The following AFG2A variants were observed in gnomAD, a reference collection of about 807,000 sequenced individuals.
The protein encoded by AFG2A is AAA ATPase AFG2A, also known as ATPase family gene 2 protein homolog A.
the AFG2A span, among the ~76,000 whole-genome samples, chr4:123,178,898 A>G: frequency 2.0e-5 from 3 of 152,350 alleles, no homozygotes; most frequent in African/African-American, 4.8e-5. Context: ...CAGTCCCTGC[A>G]CATAGGCTTC....
chr4:123,151,177 AC>A, the AFG2A span, among the ~76,000 whole-genome samples: 1 of 152,158 alleles, frequency 6.6e-6, no homozygotes, highest in Non-Finnish European at 1.5e-5. Context: ...CTAGAAGAAA[AC>A]CTAGGCATTA....
the AFG2A span, among the ~76,000 whole-genome samples, chr4:123,006,629 C>T: frequency 6.6e-5 from 10 of 152,210 alleles, no homozygotes; most frequent in African/African-American, 2.4e-4. Context: ...AATGGCTAAT[C>T]TGCTGTTAAT....
the AFG2A span, among the ~76,000 whole-genome samples, chr4:123,247,324 A>C: frequency 6.6e-6 from 1 of 152,102 alleles, no homozygotes; most frequent in African/African-American, 2.4e-5. Flanking sequence ...AAGATCTCAA[A>C]ATACTTCTTG....
At chr4:123,032,971 G>C in the AFG2A span, among the ~76,000 whole-genome samples, 1 of 152,110 alleles carries the variant, frequency 6.6e-6, no homozygotes, top group Admixed American at 6.5e-5. Flanking sequence ...TATGACTTAG[G>C]ATATTTTCAA....
the AFG2A span, among the ~76,000 whole-genome samples, chr4:122,933,785 T>C: frequency 2.0e-5 from 3 of 152,200 alleles, no homozygotes; most frequent in Non-Finnish European, 4.4e-5. Flanking sequence ...AGATGCTATC[T>C]TGGAGTGTTG....
chr4:123,312,065 C>T, the AFG2A span, among the ~76,000 whole-genome samples: 3 of 152,230 alleles, frequency 2.0e-5, no homozygotes, highest in East Asian at 1.9e-4. Context: ...TACACATGCT[C>T]ATCTGGCCAC....
the AFG2A span, chr4:122,928,950 T>G: frequency 6.8e-7 from 1 of 1,464,878 alleles, no homozygotes; most frequent in Non-Finnish European, 9.1e-7. Context: ...ATATCTTAAG[T>G]GCTTGACTGT....
the AFG2A span, among the ~76,000 whole-genome samples, chr4:123,236,840 A>G: frequency 4.6e-5 from 7 of 152,228 alleles, no homozygotes; most frequent in African/African-American, 1.4e-4. Context: ...ATGGGGAACA[A>G]GATTCTTCTA....
At chr4:123,023,169 A>C in the AFG2A span, among the ~76,000 whole-genome samples, 6 of 151,860 alleles carry the variant, frequency 4.0e-5, no homozygotes, top group Non-Finnish European at 8.8e-5. Flanking sequence ...CATGTACCCT[A>C]AAACTTAAAG....
chr4:123,190,384 C>G, the AFG2A span, among the ~76,000 whole-genome samples: 1 of 152,092 alleles, frequency 6.6e-6, no homozygotes, highest in Non-Finnish European at 1.5e-5. Flanking sequence ...CATTAATGAT[C>G]AAGGCAAAAA....
the AFG2A span, among the ~76,000 whole-genome samples, chr4:123,184,494 A>G: frequency 6.6e-6 from 1 of 150,826 alleles, no homozygotes; most frequent in Non-Finnish European, 1.5e-5. Context: ...TATATATATA[A>G]AGTGCATTCC....
At chr4:123,045,307 C>T in the AFG2A span, among the ~76,000 whole-genome samples, 1 of 60,578 alleles carries the variant, frequency 1.7e-5, no homozygotes, top group Admixed American at 1.8e-4. Context: ...TACTTCAGTG[C>T]GTATTTCTAC....
chr4:123,143,808 G>A, the AFG2A span, among the ~76,000 whole-genome samples: 1 of 146,428 alleles, frequency 6.8e-6, no homozygotes, highest in Non-Finnish European at 1.5e-5. Context: ...ACTTCATTCA[G>A]GGATATGCAT....
At chr4:123,177,490 C>T in the AFG2A span, among the ~76,000 whole-genome samples, 18 of 152,094 alleles carry the variant, frequency 1.2e-4, no homozygotes, top group African/African-American at 4.1e-4. Flanking sequence ...GGATTACAGG[C>T]GTGAGCCACC....
chr4:123,022,481 T>C, the AFG2A span, among the ~76,000 whole-genome samples: 2 of 150,634 alleles, frequency 1.3e-5, no homozygotes, highest in African/African-American at 4.9e-5. Flanking sequence ...AAAACCACAA[T>C]GAGATACCAT....
chr4:123,305,212 T>C, the AFG2A span, among the ~76,000 whole-genome samples: 1 of 152,156 alleles, frequency 6.6e-6, no homozygotes, highest in Non-Finnish European at 1.5e-5. Context: ...CTTCGGACCT[T>C]TGTTACCCTT....
At chr4:123,181,269 C>G in the AFG2A span, among the ~76,000 whole-genome samples, 1 of 151,910 alleles carries the variant, frequency 6.6e-6, no homozygotes, top group Non-Finnish European at 1.5e-5. Context: ...CAGGTGTGAG[C>G]CACTGCGCCC....
the AFG2A span, among the ~76,000 whole-genome samples, chr4:123,036,440 T>C: frequency 1.3e-5 from 2 of 152,162 alleles, no homozygotes; most frequent in Admixed American, 6.5e-5. Context: ...ATGTTGAATA[T>C]GTCCTAAAGG....
At chr4:123,198,819 G>A in the AFG2A span, among the ~76,000 whole-genome samples, 1 of 152,174 alleles carries the variant, frequency 6.6e-6, no homozygotes. Context: ...GTTATATAAT[G>A]GAGTAAGATT....
Sources: allele counts gnomAD v4.1 joint callset (sites outside exome capture counted in the v4.1 genomes callset), GRCh38; gene constraint gnomAD v4.1.1; transcripts MANE v1.5; gene names NCBI Gene and HGNC (gene_info 2026-07-23, HGNC 2026-07-21).